The following KHDRBS3 variants were observed in gnomAD, a reference collection of about 807,000 sequenced individuals.
KHDRBS3 encodes KH domain-containing, RNA-binding, signal transduction-associated protein 3.
In KHDRBS3, 23 loss-of-function variants were observed where a neutral mutation model predicts 45.6. That is an observed-to-expected ratio of 0.50 (90% CI 0.36 to 0.72). The LOEUF (loss-of-function observed/expected upper bound fraction) is 0.72, where lower values mean the gene tolerates loss of function less well. Among genes scored for constraint, KHDRBS3 ranks in the 30% least tolerant of loss-of-function variants. KHDRBS3 has a pLI of 0.00. For missense variants in KHDRBS3, 352 were observed against 424.8 expected (o/e 0.83, Z 1.51); for synonymous variants, 162 against 156.5 (o/e 1.04, Z -0.26).
chr8:135,586,799 A>C (rs963578488), intron 6 of KHDRBS3, among the ~76,000 whole-genome samples: 1 of 152,218 alleles, frequency 6.6e-6, no homozygotes. Context: ...ACTTTCATTT[A>C]AAATTTACTA....
At chr8:135,513,491 A>G (rs1362861858) in intron 1 of KHDRBS3, among the ~76,000 whole-genome samples, 3 of 152,312 alleles carry the variant, frequency 2.0e-5, no homozygotes, top group East Asian at 1.9e-4. Context: ...CAGCCATATA[A>G]TTAAGTACCA....
At chr8:135,514,616 A>C (rs1416929437) in intron 1 of KHDRBS3, among the ~76,000 whole-genome samples, 1 of 152,352 alleles carries the variant, frequency 6.6e-6, no homozygotes, top group African/African-American at 2.4e-5. Context: ...TGAGACAAAA[A>C]AGTTCTGGAC....
intron 6 of KHDRBS3, among the ~76,000 whole-genome samples, chr8:135,592,256 T>G (rs1178914953): frequency 6.6e-6 from 1 of 152,124 alleles, no homozygotes; most frequent in Non-Finnish European, 1.5e-5. Context: ...GGTTTTTGGT[T>G]TTTTTTCTTC....
At chr8:135,535,541 T>C (rs1825705102) in intron 2 of KHDRBS3, among the ~76,000 whole-genome samples, 1 of 151,636 alleles carries the variant, frequency 6.6e-6, no homozygotes, top group South Asian at 2.1e-4. Flanking sequence ...AATATAACAT[T>C]ATGGTCTTTA....
At chr8:135,604,792 A>G (rs1464877431) in intron 6 of KHDRBS3, among the ~76,000 whole-genome samples, 1 of 151,780 alleles carries the variant, frequency 6.6e-6, no homozygotes, top group African/African-American at 2.4e-5. Context: ...AGCTTATACT[A>G]TCTTTTATAT....
intron 1 of KHDRBS3, among the ~76,000 whole-genome samples, chr8:135,516,267 C>G (rs939807710): frequency 2.6e-5 from 4 of 152,150 alleles, no homozygotes; most frequent in Admixed American, 2.0e-4. Flanking sequence ...GGAAGTTGCT[C>G]TGGGTGAGTC....
intron 1 of KHDRBS3, among the ~76,000 whole-genome samples, chr8:135,483,082 A>G (rs6986340): frequency 0.8 from 121,822 of 152,072 alleles, 49,324 homozygotes; most frequent in East Asian, 0.96. Context: ...TAGACATCAA[A>G]TATCTTTCTC....
intron 5 of KHDRBS3, among the ~76,000 whole-genome samples, chr8:135,561,230 A>G (rs542219377): frequency 6.6e-6 from 1 of 152,266 alleles, no homozygotes; most frequent in African/African-American, 2.4e-5. Flanking sequence ...ATTACCTTCA[A>G]GTCTGAATTG....
intron 5 of KHDRBS3, among the ~76,000 whole-genome samples, chr8:135,561,440 GGTAGAGC>G (rs1827161946): frequency 6.6e-6 from 1 of 152,036 alleles, no homozygotes; most frequent in Non-Finnish European, 1.5e-5. Flanking sequence ...GCTAGTGGTT[GGTAGAGC>G]CGGGTGGAAT....
At chr8:135,572,330 C>T (rs1371393723) in intron 5 of KHDRBS3, among the ~76,000 whole-genome samples, 1 of 152,198 alleles carries the variant, frequency 6.6e-6, no homozygotes, top group Non-Finnish European at 1.5e-5. Context: ...TAAGAATGTA[C>T]TTCCTTATAC....
chr8:135,495,721 T>C (rs1359728582), intron 1 of KHDRBS3, among the ~76,000 whole-genome samples: 1 of 152,180 alleles, frequency 6.6e-6, no homozygotes, highest in African/African-American at 2.4e-5. Flanking sequence ...ATTTTAATCA[T>C]TGTTTCCCTA....
Position 135,606,960 on chromosome 8 carries a change from T to C in KHDRBS3, c.813T>C (p.Tyr271=), listed in dbSNP as rs1415750012. The change falls in exon 7 of 9, where the codon TAT becomes TAC. Residue 271 remains tyrosine (Y), a synonymous_variant. Transcript: ENST00000355849. The part of the protein sequence containing the change: ...PTQETYGEYD[Y]DDGYGTAYDE... ...CTTCTCCTGTTATGTTTTAGGACTA[T>C]GATGATGGATATGGCACTGCTTATG... The C allele has an allele frequency of 6.2e-7, 1 of 1,612,188 alleles. No individual in the cohort carries two copies. Among genetic ancestry groups the C allele is most frequent in the African/African-American group, 1.3e-5 (1 of 75,016 alleles).
chr8:135,624,417 C>G (rs772008686), intron 7 of KHDRBS3, among the ~76,000 whole-genome samples: 23 of 152,156 alleles, frequency 1.5e-4, no homozygotes, highest in Non-Finnish European at 2.4e-4. Flanking sequence ...CTGGGCACAC[C>G]TCACTTCCCC....
At chr8:135,535,216 A>G (rs1264156361) in intron 2 of KHDRBS3, among the ~76,000 whole-genome samples, 2 of 148,764 alleles carry the variant, frequency 1.3e-5, no homozygotes, top group African/African-American at 2.4e-5. Flanking sequence ...TGTTTATTAT[A>G]TTAACTATAA....
Position 135,581,901 on chromosome 8 carries a change from G to C in KHDRBS3, c.635G>C (p.Arg212Pro). The change falls in exon 6 of 9, where the codon CGG becomes CCG. Residue 212 changes from arginine (R) to proline (P), a missense_variant. This residue lies in a region of KHDRBS3 where 212 missense variants were observed against 209.6 expected (regional missense o/e 1.01). Coordinates refer to ENST00000355849, the MANE Select transcript of KHDRBS3 (RefSeq NM_006558.3). ...AGGGGAAGGGGAGGAGTTACAGCCCGGCCAGTTGGAGTTGTAGTACCACGA... is the reference window on the plus strand; with the variant it reads ...AGGGGAAGGGGAGGAGTTACAGCCCCGCCAGTTGGAGTTGTAGTACCACGA... ...ITRGRGGVTA[R>P]PVGVVVPRGT... is the part of the protein sequence containing the mutation. 1.2e-6 allele frequency: 2 copies of C among 1,602,068 alleles called. No homozygotes were observed. Among genetic ancestry groups the C allele is most frequent in the Admixed American group, 1.7e-5 (1 of 59,322 alleles).
chr8:135,616,115 A>G (rs112900698), intron 7 of KHDRBS3, among the ~76,000 whole-genome samples: 135 of 152,354 alleles, frequency 8.9e-4, no homozygotes, highest in African/African-American at 3.0e-3. Flanking sequence ...GTGAGTTACT[A>G]TGTATCTAGG....
chr8:135,520,941 A>G (rs2130650955), intron 1 of KHDRBS3, among the ~76,000 whole-genome samples: 1 of 152,266 alleles, frequency 6.6e-6, no homozygotes, highest in Middle Eastern at 3.4e-3. Context: ...GATCAGCCTT[A>G]TCTAGTTATC....
In KHDRBS3 at chr8:135,542,772, T is replaced by A; in HGVS notation, c.324+2T>A. On this transcript the variant is annotated splice_donor_variant, in intron 3 of 8. Coordinates refer to ENST00000355849, the MANE Select transcript of KHDRBS3 (RefSeq NM_006558.3). LOFTEE classifies it high-confidence loss of function. The stretch of plus-strand genomic sequence containing the variant: ...GGTTCCATGAGAGACAAGGCCAAGG[T>A]AATATTAATTATAGAAAACGGCTAA... 1 of 1,570,612 alleles carries A rather than the reference T, an allele frequency of 6.4e-7. No homozygotes were observed. The highest frequency in any genetic ancestry group is 8.8e-7 in the Non-Finnish European group (1 of 1,141,736).
chr8:135,488,733 A>G (rs1025733834), intron 1 of KHDRBS3, among the ~76,000 whole-genome samples: 3 of 152,230 alleles, frequency 2.0e-5, no homozygotes, highest in African/African-American at 7.2e-5. Flanking sequence ...GAAAGAGTAG[A>G]TGTACAATTT....
Sources: gnomAD v4.1 joint callset for allele counts (sites outside exome capture counted in the v4.1 genomes callset) on GRCh38, gnomAD v4.1.1 for gene constraint, gnomAD v4.1.1 regional missense constraint, MANE v1.5 for transcripts, NCBI Gene and HGNC (gene_info 2026-07-23, HGNC 2026-07-21) for gene names.